The following PHF20L1 variants were observed in gnomAD, a reference collection of about 807,000 sequenced individuals.
PHF20L1 encodes PHD finger protein 20-like protein 1.
Under a neutral mutation model 125.5 loss-of-function variants are expected in PHF20L1, and 44 were observed. That is an observed-to-expected ratio of 0.35 (90% CI 0.28 to 0.45). PHF20L1 has a LOEUF of 0.45. Ranked by LOEUF, PHF20L1 falls within the 20% of genes least tolerant of loss-of-function variation. The pLI, the probability that PHF20L1 is intolerant of heterozygous loss-of-function variation, is 1.00. For missense variants in PHF20L1, 1,012 were observed against 1,217.2 expected (o/e 0.83, Z 2.51); for synonymous variants, 380 against 403.1 (o/e 0.94, Z 0.69).
At chr8:132,791,614 A>T (rs1366003256) in intron 2 of PHF20L1, among the ~76,000 whole-genome samples, 1 of 152,138 alleles carries the variant, frequency 6.6e-6, no homozygotes, top group East Asian at 1.9e-4. Flanking sequence ...GTCTTCTTGG[A>T]TGTTCAAATA....
intron 17 of PHF20L1, chr8:132,838,020 C>A: frequency 2.2e-6 from 1 of 457,768 alleles, no homozygotes; most frequent in Admixed American, 3.3e-5. Flanking sequence ...TAGTACAATT[C>A]ATTTCATTAT....
At chr8:132,834,229 A>G (rs1029288784) in intron 15 of PHF20L1, among the ~76,000 whole-genome samples, 2 of 152,172 alleles carry the variant, frequency 1.3e-5, no homozygotes, top group Non-Finnish European at 2.9e-5. Flanking sequence ...AGATTTGTGG[A>G]GAATATGATA....
chr8:132,811,196 A>C, intron 9 of PHF20L1, 68 bp downstream of exon 9: 1 of 1,598,030 alleles, frequency 6.3e-7, no homozygotes, highest in South Asian at 1.1e-5. Context: ...TCTAGTATCT[A>C]CGTAATTGAA....
chr8:132,788,816 C>G (rs138616713), intron 2 of PHF20L1: 4 of 152,218 alleles, frequency 2.6e-5, no homozygotes, highest in Non-Finnish European at 5.9e-5. Context: ...TAATGAAGCG[C>G]TGACAGTTTG....
chr8:132,815,804 G>A (rs1263931448), intron 10 of PHF20L1: 1 of 151,472 alleles, frequency 6.6e-6, no homozygotes, highest in East Asian at 1.9e-4. Flanking sequence ...TTTAATAGGT[G>A]GAAAGAATGG....
chr8:132,783,898 GA>G (rs1238419569), intron 2 of PHF20L1, among the ~76,000 whole-genome samples: 1 of 152,078 alleles, frequency 6.6e-6, no homozygotes, highest in Non-Finnish European at 1.5e-5. Flanking sequence ...CAATTCATTT[GA>G]AATCTGTAAG....
chr8:132,783,537 G>A (rs1830671698), intron 2 of PHF20L1, among the ~76,000 whole-genome samples: 1 of 152,108 alleles, frequency 6.6e-6, no homozygotes, highest in Non-Finnish European at 1.5e-5. Flanking sequence ...CTAGAGATAA[G>A]TTGTGTCATC....
chr8:132,775,919 G>A (rs552560984), intron 1 of PHF20L1, among the ~76,000 whole-genome samples: 3 of 152,200 alleles, frequency 2.0e-5, no homozygotes, highest in South Asian at 2.1e-4. Flanking sequence ...CCCCCTCTCT[G>A]TCTGGCCTCA....
intron 2 of PHF20L1, among the ~76,000 whole-genome samples, chr8:132,778,470 G>A (rs950401358): frequency 6.6e-6 from 1 of 152,156 alleles, no homozygotes; most frequent in African/African-American, 2.4e-5. Flanking sequence ...GGTTGTTACT[G>A]TCTCCAGTGC....
intron 4 of PHF20L1, among the ~76,000 whole-genome samples, chr8:132,796,906 A>G (rs1586899182): frequency 6.6e-6 from 1 of 152,108 alleles, no homozygotes; most frequent in Admixed American, 6.6e-5. Context: ...TTAATTCATA[A>G]CAGTTTCTTT....
intron 19 of PHF20L1, 80 bp from the exon 20 acceptor site, chr8:132,844,076 G>T: frequency 6.4e-7 from 1 of 1,572,574 alleles, no homozygotes; most frequent in East Asian, 2.3e-5. Flanking sequence ...CCAGTGATGA[G>T]GTGTTTCCTG....
intron 2 of PHF20L1, among the ~76,000 whole-genome samples, chr8:132,782,236 G>A (rs891441585): frequency 3.9e-4 from 59 of 152,114 alleles, no homozygotes; most frequent in African/African-American, 1.0e-3. Context: ...CACTGTAAGC[G>A]GGTGGGTTTA....
intron 14 of PHF20L1, among the ~76,000 whole-genome samples, chr8:132,825,873 C>T (rs1279924578): frequency 2.0e-5 from 3 of 151,974 alleles, no homozygotes; most frequent in Non-Finnish European, 2.9e-5. Context: ...AGGATTTGGC[C>T]CTGGGGGCTT....
chr8:132,838,549 C>T (rs961809096), intron 17 of PHF20L1: 3 of 152,116 alleles, frequency 2.0e-5, no homozygotes, highest in Non-Finnish European at 4.4e-5. Flanking sequence ...AATTTAACTT[C>T]AGCCTCCAGG....
chr8:132,817,686 A>G, intron 12 of PHF20L1, 141 bp downstream of exon 12: 3 of 623,118 alleles, frequency 4.8e-6, no homozygotes, highest in South Asian at 4.1e-5. Flanking sequence ...CATTTATAGG[A>G]GAGTTTCATC....
intron 15 of PHF20L1, among the ~76,000 whole-genome samples, chr8:132,833,317 G>A (rs1051590249): frequency 5.9e-5 from 9 of 152,020 alleles, no homozygotes; most frequent in African/African-American, 2.2e-4. Context: ...GGCTCGTTAT[G>A]GAGAAAGCAT....
Position 132,837,738 on chromosome 8 carries a change from C to T in PHF20L1, c.2118C>T (p.His706=), listed in dbSNP as rs117163664. Residue 706 remains histidine (H), a synonymous_variant, in exon 17 of 21, where the codon CAC becomes CAT. Transcript: ENST00000395386. ...GTGAAGAGTGCTTGTGTTGGCAACA[C>T]AGCGTGTGCATGGGGCTGCTGGAGG... The part of the protein sequence containing the change: ...IQCEECLCWQ[H]SVCMGLLEES... 484 of 1,612,976 alleles carry T rather than the reference C, an allele frequency of 3.0e-4. 2 individuals carry two copies. In the East Asian group the frequency reaches 9.1e-3, roughly 30 times the overall value.
chr8:132,809,612 A>G (rs1229027784), intron 8 of PHF20L1: 5 of 152,164 alleles, frequency 3.3e-5, no homozygotes, highest in African/African-American at 1.2e-4. Flanking sequence ...CCTGTTAAAT[A>G]TGTTGTGGAC....
intron 2 of PHF20L1, among the ~76,000 whole-genome samples, chr8:132,781,669 G>A (rs1400120664): frequency 6.6e-6 from 1 of 152,190 alleles, no homozygotes; most frequent in African/African-American, 2.4e-5. Context: ...TTGACCTTGT[G>A]ATGTGCCTGC....
Sources: allele counts gnomAD v4.1 joint callset (sites outside exome capture counted in the v4.1 genomes callset), GRCh38; gene constraint gnomAD v4.1.1; transcripts MANE v1.5; gene names NCBI Gene and HGNC (gene_info 2026-07-23, HGNC 2026-07-21).